The following OR14A16 variants were observed in gnomAD, a reference collection of about 807,000 sequenced individuals.
OR14A16 encodes olfactory receptor 14A16.
For missense variants in OR14A16, 341 were observed against 366.5 expected (o/e 0.93, Z 0.57); for synonymous variants, 135 against 137.6 (o/e 0.98, Z 0.13).
intron 1 of OR14A16, among the ~76,000 whole-genome samples, chr1:247,822,837 A>C (rs1451237109): frequency 6.6e-6 from 1 of 152,238 alleles, no homozygotes; most frequent in East Asian, 1.9e-4. Flanking sequence ...ACTTATCAAT[A>C]GCTGAACTTC....
chr1:247,821,209 T>C (rs2103286614), intron 1 of OR14A16, among the ~76,000 whole-genome samples: 1 of 152,350 alleles, frequency 6.6e-6, no homozygotes, highest in Non-Finnish European at 1.5e-5. Flanking sequence ...ATGTTTTATG[T>C]GCACTTGAGA....
At chr1:247,816,796 A>G (rs1022393655) in intron 2 of OR14A16, among the ~76,000 whole-genome samples, 5 of 152,132 alleles carry the variant, frequency 3.3e-5, no homozygotes, top group African/African-American at 7.2e-5. Flanking sequence ...TTCTTTTTTA[A>G]TCCCCCATCT....
chr1:247,815,571 G>A lies in OR14A16; in HGVS notation c.159C>T (p.Leu53=). The stretch of plus-strand genomic sequence containing the variant: ...TCAAGAAGAAATACACGGGGGTGTG[G>A]AGATGATGGTCCAAAGTTGTGATCA... The part of the protein sequence containing the change: ...IIMITTLDHH[L]HTPVYFFLKN... The change falls in exon 3 of 3, where the codon CTC becomes CTT. Residue 53 remains leucine, a synonymous_variant. Transcript: ENST00000641093. The A allele has an allele frequency of 6.2e-7, 1 of 1,614,070 alleles. No homozygotes were observed.
Position 247,814,740 on chromosome 1 carries a change from G to C in OR14A16, c.*60C>G, listed in dbSNP as rs946241488. On this transcript the variant is annotated 3_prime_UTR_variant, in exon 3 of 3. Transcript: ENST00000641093. Reference sequence around the variant, plus strand: ...TTTAAGAATTAGAGATAAAAATGAAGAATTAATGTGTGTACATTATAAATG... The same window carrying C: ...TTTAAGAATTAGAGATAAAAATGAACAATTAATGTGTGTACATTATAAATG... The C allele has an allele frequency of 9.1e-6, 7 of 772,190 alleles. No individual in the cohort carries two copies. The African/African-American group carries it at 1.2e-4, about 14-fold the overall frequency. The allele number at this position is 772,190 out of a possible 1,614,324, so 47.8% of individuals were successfully genotyped here.
In OR14A16 at chr1:247,814,842, C is replaced by T; in HGVS notation, c.888G>A (p.Val296=). Residue 296 remains valine, a synonymous_variant, in exon 3 of 3, where the codon GTG becomes GTA. Coordinates refer to ENST00000641093, the MANE Select transcript of OR14A16 (RefSeq NM_001001966.2). Reference sequence around the variant, plus strand: ...TTCCCTTTATCAACATCCCCAGAGCCACCTTTATGGCCTTGTTTCTCAAAC... The same window carrying T: ...TTCCCTTTATCAACATCCCCAGAGCTACCTTTATGGCCTTGTTTCTCAAAC... ...IYSLRNKAIK[V]ALGMLIKGKL... 2 of 1,593,500 alleles carry T rather than the reference C, an allele frequency of 1.3e-6. No individual in the cohort carries two copies. Among genetic ancestry groups the T allele is most frequent in the Non-Finnish European group, 1.7e-6 (2 of 1,173,172 alleles).
At chr1:247,816,338 T>G (rs1662621227) in intron 2 of OR14A16, among the ~76,000 whole-genome samples, 1 of 152,250 alleles carries the variant, frequency 6.6e-6, no homozygotes, top group South Asian at 2.1e-4. Context: ...AATAAGAGAT[T>G]GAACTAATGG....
At chr1:247,821,877 T>G in intron 1 of OR14A16, among the ~76,000 whole-genome samples, 1 of 113,006 alleles carries the variant, frequency 8.8e-6, no homozygotes, top group Non-Finnish European at 2.2e-5. Flanking sequence ...GTGGTGTGCC[T>G]TGATTCCTTA....
chr1:247,819,877 G>C (rs531710342), intron 1 of OR14A16, among the ~76,000 whole-genome samples: 1 of 152,328 alleles, frequency 6.6e-6, no homozygotes, highest in East Asian at 1.9e-4. Context: ...GATGTTAGCA[G>C]TGGGCTTGTG....
rs569522918 is a variant in OR14A16, at chr1:247,815,137, A to G, written c.593T>C (p.Ile198Thr). The G allele has an allele frequency of 1.5e-4, 236 of 1,611,962 alleles. 3 individuals are homozygous for G. The South Asian group carries it at 2.5e-3, about 17-fold the overall frequency. ...GAAATCCAAAACTACATTAATAAGG[A>G]TGAGTGCAATTTCTCTTATTAAATT... is the stretch of plus-strand genomic sequence containing the variant. ...SENLIREIAL[I>T]LINVVLDFCC... is the part of the protein sequence containing the mutation. The change falls in exon 3 of 3, where the codon ATC (isoleucine) becomes ACC (threonine). Residue 198 changes from isoleucine (I) to threonine (T), a missense_variant. By Grantham distance (89) the Ile-to-Thr change is moderately conservative. Transcript: ENST00000641093.
rs1292903600 is a variant in OR14A16, at chr1:247,815,297, C to T, written c.433G>A (p.Val145Met). ...DRSTCVQRAT[V>M]SWLYGGLIAV... ...ATCAGACCCCCATACAGCCAAGACA[C>T]AGTGGCTCTTTGGACACAGGTGCTC... Residue 145 changes from valine (V) to methionine (M), a missense_variant, in exon 3 of 3, where the codon GTG (valine) becomes ATG (methionine). Val to Met is a conservative substitution (Grantham distance 21, BLOSUM62 1). Coordinates refer to ENST00000641093, the MANE Select transcript of OR14A16 (RefSeq NM_001001966.2). 6.2e-7 allele frequency: 1 copy of T among 1,614,066 alleles called. No homozygotes were observed. The highest frequency in any genetic ancestry group is 8.5e-7 in the Non-Finnish European group (1 of 1,179,940).
intron 2 of OR14A16, among the ~76,000 whole-genome samples, chr1:247,818,645 TAA>T (rs1662671309): frequency 6.6e-6 from 1 of 152,152 alleles, no homozygotes; most frequent in South Asian, 2.1e-4. Context: ...AATTGGGAGC[TAA>T]AAATCAAAGC....
intron 2 of OR14A16, among the ~76,000 whole-genome samples, chr1:247,818,213 G>T (rs376222384): frequency 2.6e-5 from 4 of 152,042 alleles, no homozygotes; most frequent in African/African-American, 7.2e-5. Flanking sequence ...CAATTAAAAT[G>T]GATTTTATCC....
chr1:247,821,417 T>C lies in OR14A16; in HGVS notation c.-130-2240A>G, dbSNP rs549487930. Reference sequence around the variant, plus strand: ...ACTATCTCTCTTTTCAGATAAAGTATTTGCTTTATATATTTGGTATGCTGA... The same window carrying C: ...ACTATCTCTCTTTTCAGATAAAGTACTTGCTTTATATATTTGGTATGCTGA... On this transcript the variant is annotated intron_variant, in intron 1 of 2. Transcript: ENST00000641093. 7.2e-5 allele frequency among the ~76,000 whole-genome samples: 11 copies of C among 152,344 alleles called. No individual in the cohort carries two copies. In the East Asian group the frequency reaches 2.1e-3, roughly 29 times the overall value.
At chr1:247,818,377 C>A (rs557759986) in intron 2 of OR14A16, among the ~76,000 whole-genome samples, 1 of 152,286 alleles carries the variant, frequency 6.6e-6, no homozygotes, top group African/African-American at 2.4e-5. Context: ...CCAGCAATCC[C>A]ATTGCTAGGT....
Position 247,815,093 on chromosome 1 carries a change from T to G in OR14A16, c.637A>C (p.Ile213Leu). The G allele has an allele frequency of 6.2e-7, 1 of 1,614,010 alleles. No homozygotes were observed. Among genetic ancestry groups the G allele is most frequent in the South Asian group, 1.1e-5 (1 of 91,082 alleles). The change falls in exon 3 of 3, where the codon ATC becomes CTC. Residue 213 changes from isoleucine (I) to leucine (L), a missense_variant. Physicochemically the swap from Ile to Leu is conservative, Grantham distance 5. Transcript: ENST00000641093. ...VLDFCCFIVIIITYVHVFSTV... is the reference protein window; with the variant it reads ...VLDFCCFIVILITYVHVFSTV... ...GAGAAGACGTGGACATAGGTAATGA[T>G]GATGACAATAAAACAGCAGAAATCC...
chr1:247,820,003 T>G (rs548117494), intron 1 of OR14A16, among the ~76,000 whole-genome samples: 49 of 152,384 alleles, frequency 3.2e-4, no homozygotes, highest in African/African-American at 1.2e-3. Flanking sequence ...TCCTTCATTC[T>G]GTTAATGTAG....
chr1:247,816,759 G>A (rs1662629314), intron 2 of OR14A16, among the ~76,000 whole-genome samples: 1 of 152,234 alleles, frequency 6.6e-6, no homozygotes, highest in South Asian at 2.1e-4. Context: ...TATTTTGTTA[G>A]CCTTATATTA....
Position 247,815,233 on chromosome 1 carries a change from T to G in OR14A16, c.497A>C (p.Tyr166Ser), listed in dbSNP as rs753607782. ...MHTAGTFSLS[Y>S]CGSNMVHQFF... is the part of the protein sequence containing the mutation. ...CTGATGGACCATGTTGGACCCACAG[T>G]AGGATAAGGAGAAGGTGCCAGCTGT... The change falls in exon 3 of 3, where the codon TAC becomes TCC. Residue 166 changes from tyrosine (Y) to serine (S), a missense_variant. By Grantham distance (144) the Tyr-to-Ser change is moderately radical. Coordinates refer to ENST00000641093, the MANE Select transcript of OR14A16 (RefSeq NM_001001966.2). 3.3e-6 allele frequency: 5 copies of G among 1,523,766 alleles called. No homozygotes were observed. Among genetic ancestry groups the G allele is most frequent in the Non-Finnish European group, 4.4e-6 (5 of 1,127,642 alleles). The allele number at this position is 1,523,766 out of a possible 1,614,324, so 94.4% of individuals were successfully genotyped here.
intron 2 of OR14A16, among the ~76,000 whole-genome samples, chr1:247,816,229 T>C (rs1662619250): frequency 6.6e-6 from 1 of 152,168 alleles, no homozygotes; most frequent in South Asian, 2.1e-4. Context: ...AAAACAAAAC[T>C]TAACTATTAC....
Sources: allele counts gnomAD v4.1 joint callset (sites outside exome capture counted in the v4.1 genomes callset), GRCh38; gene constraint gnomAD v4.1.1; transcripts MANE v1.5; gene names NCBI Gene and HGNC (gene_info 2026-07-23, HGNC 2026-07-21).